The following NLRP2 variants were observed in gnomAD, a reference collection of about 807,000 sequenced individuals.
The protein encoded by NLRP2 is NLR family pyrin domain containing 2.
In NLRP2, 107 loss-of-function variants were observed where a neutral mutation model predicts 97.2. That is an observed-to-expected ratio of 1.10 (90% CI 0.94 to 1.29). The LOEUF (loss-of-function observed/expected upper bound fraction) is 1.29, where lower values mean the gene tolerates loss of function less well. Among genes scored for constraint, NLRP2 ranks in the 50% most tolerant of loss-of-function variants. NLRP2 has a pLI of 0.00. For missense variants in NLRP2, 1,495 were observed against 1,330.3 expected, an observed-to-expected ratio of 1.12 and a Z score of -1.93; for synonymous variants, 663 against 551.5, an observed-to-expected ratio of 1.20 and a Z score of -2.83.
At chr19:54,994,052 C>T in intron 10 of NLRP2, 1 of 638,430 alleles carries the variant, frequency 1.6e-6, no homozygotes, top group South Asian at 1.8e-5. Flanking sequence ...GCTCAGTCAC[C>T]TCTACGAGGT....
intron 11 of NLRP2, among the ~76,000 whole-genome samples, chr19:54,995,611 T>C (rs777387923): frequency 2.6e-5 from 4 of 151,892 alleles, no homozygotes; most frequent in Non-Finnish European, 5.9e-5. Context: ...GAGGTAGGAA[T>C]TAGATATCGT....
intron 10 of NLRP2, chr19:54,994,010 C>T: frequency 1.8e-6 from 1 of 569,134 alleles, no homozygotes. Flanking sequence ...TGGACCTACC[C>T]AAATAAACCA....
chr19:55,000,584 CTG>C (rs1350270648), intron 12 of NLRP2, among the ~76,000 whole-genome samples, 174 bp from the exon 13 acceptor site: 6 of 140,702 alleles, frequency 4.3e-5, no homozygotes, highest in Non-Finnish European at 7.6e-5. Context: ...CCACCTGAGA[CTG>C]TCTTTTAAAA....
At chr19:54,974,641 G>T in intron 3 of NLRP2, 97 bp downstream of exon 3, 1 of 917,470 alleles carries the variant, frequency 1.1e-6, no homozygotes, top group Non-Finnish European at 1.8e-6. Context: ...AGAATGCAAA[G>T]AAATGCCGGA....
At chr19:54,974,284 G>T in intron 2 of NLRP2, 1 of 610,062 alleles carries the variant, frequency 1.6e-6, no homozygotes, top group Non-Finnish European at 2.9e-6. Context: ...AACCTGGGAG[G>T]CAGAGGTTGC....
intron 8 of NLRP2, 30 bp downstream of exon 8, chr19:54,986,345 TCATA>T (rs2072085624): frequency 6.2e-7 from 1 of 1,601,024 alleles, no homozygotes; most frequent in Non-Finnish European, 8.6e-7. Context: ...AAATCCTTCA[TCATA>T]CAAACATAAG....
chr19:54,983,761 T>A (rs1211044915), intron 6 of NLRP2, 33 bp downstream of exon 6: 2 of 1,602,368 alleles, frequency 1.2e-6, no homozygotes, highest in African/African-American at 2.7e-5. Context: ...AGTCGTTCCA[T>A]CTTTAGCCTC....
At chr19:54,974,669 C>T in intron 3 of NLRP2, 125 bp downstream of exon 3, 1 of 756,386 alleles carries the variant, frequency 1.3e-6, no homozygotes, top group Non-Finnish European at 2.3e-6. Context: ...TCCCTGCTCC[C>T]AGGGCGGAGC....
intron 11 of NLRP2, among the ~76,000 whole-genome samples, chr19:54,994,824 A>G (rs911867592): frequency 2.0e-5 from 3 of 151,458 alleles, no homozygotes; most frequent in East Asian, 2.0e-4. Context: ...TTGAAGGTTC[A>G]TCTCAAACTC....
In NLRP2 at chr19:54,983,123, G is replaced by A; in HGVS notation, c.1425G>A (p.Val475=). Reference sequence around the variant, plus strand: ...GAGAGGATCTGGAAAGGCTCGGGGTGCAGGAGTCCGACCTCCGTCTGTTCC... The same window carrying A: ...GAGAGGATCTGGAAAGGCTCGGGGTACAGGAGTCCGACCTCCGTCTGTTCC... The part of the protein sequence containing the change: ...LHREDLERLG[V]QESDLRLFLD... The change falls in exon 6 of 13, where the codon GTG becomes GTA. Residue 475 remains valine, a synonymous_variant. Transcript: ENST00000448584. 2 of 1,613,614 alleles carry A rather than the reference G, an allele frequency of 1.2e-6. No individual in the cohort carries two copies. The highest frequency in any genetic ancestry group is 1.7e-6 in the Non-Finnish European group (2 of 1,179,948).
chr19:54,984,327 G>GTGT (rs2071879942), intron 6 of NLRP2, among the ~76,000 whole-genome samples: 3 of 43,348 alleles, frequency 6.9e-5, no homozygotes, highest in South Asian at 4.9e-4. Flanking sequence ...GTTTTTTTTT[G>GTGT]TGTTTTTTTT....
chr19:54,981,509 G>GCCCCAC, intron 4 of NLRP2, 108 bp from the exon 5 acceptor site: 1 of 386,504 alleles, frequency 2.6e-6, no homozygotes, highest in Non-Finnish European at 5.3e-6. Context: ...CTGATCCCGT[G>GCCCCAC]CCCCCCCTCC....
chr19:54,972,814 TG>T (rs2070951382), intron 2 of NLRP2, among the ~76,000 whole-genome samples: 1 of 151,974 alleles, frequency 6.6e-6, no homozygotes, highest in Non-Finnish European at 1.5e-5. Flanking sequence ...TGACCATCAG[TG>T]GATGAATAAA....
rs745937068 is a variant in NLRP2 at position 54,982,898 on chromosome 19, G to A, written c.1200G>A (p.Val400=). ...ALFQLGSAPA[V]CWIVCTTLKL... ...TCCAGCTGGGCTCGGCCCCCGCGGT[G>A]TGCTGGATCGTGTGCACGACTCTGA... Residue 400 remains valine, a synonymous_variant, in exon 6 of 13, where the codon GTG becomes GTA. Transcript: ENST00000448584. 2 of 1,613,126 alleles carry A rather than the reference G, an allele frequency of 1.2e-6. No homozygotes were observed. The highest frequency in any genetic ancestry group is 8.5e-7 in the Non-Finnish European group (1 of 1,180,008).
chr19:55,000,591 TTA>T (rs749671804), intron 12 of NLRP2, among the ~76,000 whole-genome samples, 167 bp from the exon 13 acceptor site: 1,891 of 143,448 alleles, frequency 0.013, 32 homozygotes, highest in African/African-American at 0.046. Context: ...AGACTGTCTT[TTA>T]AAAAAAAAAA....
At chr19:54,993,740 C>CA (rs35700016) in intron 10 of NLRP2, 82,847 of 228,206 alleles carry the variant, frequency 0.36, 15,915 homozygotes, top group Middle Eastern at 0.44. Flanking sequence ...ACACACACAC[C>CA]CCCCTGTAAT....
In NLRP2 at chr19:54,990,690, G is replaced by A; in HGVS notation, c.2708+18G>A. On this transcript the variant is annotated intron_variant, in intron 10 of 12. Coordinates refer to ENST00000448584, the MANE Select transcript of NLRP2 (RefSeq NM_017852.5). ...ACCTTGGTGTAAGTCCGTGCTGGCTGCCTGTGTGCGTGGGTGTATATGCAC... is the reference window on the plus strand; with the variant it reads ...ACCTTGGTGTAAGTCCGTGCTGGCTACCTGTGTGCGTGGGTGTATATGCAC... 6.2e-7 allele frequency: 1 copy of A among 1,614,080 alleles called. No individual in the cohort carries two copies. Among genetic ancestry groups the A allele is most frequent in the South Asian group, 1.1e-5 (1 of 91,082 alleles).
Position 55,001,062 on chromosome 19 carries a change from C to A in NLRP2, c.*164C>A. On this transcript the variant is annotated 3_prime_UTR_variant, in exon 13 of 13. Transcript: ENST00000448584. ...TCTGCCTCTGTTTTATACCTGCACACATCCTTATCTTTGTTACATATGAAA... is the reference window on the plus strand; with the variant it reads ...TCTGCCTCTGTTTTATACCTGCACAAATCCTTATCTTTGTTACATATGAAA... 1 of 628,356 alleles carries A rather than the reference C, an allele frequency of 1.6e-6. No individual in the cohort carries two copies. Among genetic ancestry groups the A allele is most frequent in the Non-Finnish European group, 2.8e-6 (1 of 354,414 alleles). The allele number at this position is 628,356 out of a possible 1,614,324, so 38.9% of individuals were successfully genotyped here. A position where few individuals can be genotyped will look rare whatever the true frequency, so the allele number is the denominator to read the frequency against.
At chr19:54,990,707 T>TA in intron 10 of NLRP2, 35 bp downstream of exon 10, 1 of 1,610,458 alleles carries the variant, frequency 6.2e-7, no homozygotes, top group Non-Finnish European at 8.5e-7. Context: ...TGCGTGGGTG[T>TA]ATATGCACAC....
Sources: gnomAD v4.1 joint callset for allele counts (sites outside exome capture counted in the v4.1 genomes callset) on GRCh38, gnomAD v4.1.1 for gene constraint, MANE v1.5 for transcripts, NCBI Gene and HGNC (gene_info 2026-07-23, HGNC 2026-07-21) for gene names.